Variants in AKAP7 observed in about 807,000 individuals in gnomAD.
AKAP7 encodes the protein A-kinase anchoring protein 7.
Under a neutral mutation model 39.5 loss-of-function variants are expected in AKAP7, and 39 were observed. That is an observed-to-expected ratio of 0.99 (90% CI 0.76 to 1.29). The LOEUF (loss-of-function observed/expected upper bound fraction) is 1.29, where lower values mean the gene tolerates loss of function less well. Among genes scored for constraint, AKAP7 ranks in the 50% most tolerant of loss-of-function variants. The pLI, the probability that AKAP7 is intolerant of heterozygous loss-of-function variation, is 0.00. For missense variants in AKAP7, 414 were observed against 407.7 expected (o/e 1.02, Z -0.13); for synonymous variants, 140 against 139.1 (o/e 1.01, Z -0.05).
At chr6:131,151,460 T>C (rs921769758) in intron 2 of AKAP7, among the ~76,000 whole-genome samples, 4 of 151,174 alleles carry the variant, frequency 2.6e-5, no homozygotes, top group African/African-American at 9.7e-5. Flanking sequence ...CTGTGAAATA[T>C]ATGGCCGGGT....
At chr6:131,140,246 GAC>G (rs1469664281) in intron 1 of AKAP7, among the ~76,000 whole-genome samples, 1 of 150,068 alleles carries the variant, frequency 6.7e-6, no homozygotes, top group Non-Finnish European at 1.5e-5. Flanking sequence ...TGGCTGGAGT[GAC>G]ACACATGCGT....
At chr6:131,184,533 G>T (rs1805623877) in intron 5 of AKAP7, 2 of 710,234 alleles carry the variant, frequency 2.8e-6, no homozygotes, top group South Asian at 1.5e-5. Flanking sequence ...TCGATGCATT[G>T]CCAGCAGTAT....
chr6:131,132,200 C>T (rs1800343214), upstream of AKAP7, among the ~76,000 whole-genome samples: 1 of 151,912 alleles, frequency 6.6e-6, no homozygotes, highest in African/African-American at 2.4e-5. Context: ...GTGGTCCCAT[C>T]TACTCGGGAA....
At chr6:131,168,998 ATAAT>A in intron 4 of AKAP7, 111 bp from the exon 5 acceptor site, 2 of 935,872 alleles carry the variant, frequency 2.1e-6, no homozygotes, top group Non-Finnish European at 3.1e-6. Context: ...GAGCCTTAAA[ATAAT>A]TAGTACAAAT....
At chr6:131,278,171 G>A (rs933041102) in intron 7 of AKAP7, among the ~76,000 whole-genome samples, 1 of 152,194 alleles carries the variant, frequency 6.6e-6, no homozygotes, top group Non-Finnish European at 1.5e-5. Context: ...GGTGTCCTAT[G>A]TTAGCAGAGG....
intron 7 of AKAP7, among the ~76,000 whole-genome samples, chr6:131,252,142 C>G (rs891525132): frequency 1.7e-4 from 26 of 152,300 alleles, no homozygotes; most frequent in Admixed American, 1.6e-3. Context: ...TTCTGTCTTC[C>G]TTATCAGGGA....
intron 7 of AKAP7, among the ~76,000 whole-genome samples, chr6:131,229,074 T>C (rs1810427605): frequency 6.6e-6 from 1 of 152,248 alleles, no homozygotes; most frequent in Non-Finnish European, 1.5e-5. Flanking sequence ...ATTTAAGCTG[T>C]GAGCTAAAGT....
At chr6:131,250,083 G>A in intron 7 of AKAP7, 2 of 778,320 alleles carry the variant, frequency 2.6e-6, no homozygotes, top group Non-Finnish European at 3.1e-6. Flanking sequence ...AATCTCCTAG[G>A]GATAAAAGAA....
rs957106234 is a variant in AKAP7 at position 131,242,230 on chromosome 6, T to C, written c.850+22422T>C. ...CTGGCTATGAGTAAAGGAAGCGCAA[T>C]TGACCATCACAGTTTTATATTTGGT... On this transcript the variant is annotated intron_variant, in intron 7 of 7. Coordinates refer to ENST00000431975, the MANE Select transcript of AKAP7 (RefSeq NM_016377.4). 3.1e-6 allele frequency: 3 copies of C among 971,638 alleles called. No homozygotes were observed. In the African/African-American group the frequency reaches 5.3e-5, roughly 17 times the overall value. The allele number at this position is 971,638 out of a possible 1,614,324, so 60.2% of individuals were successfully genotyped here.
At chr6:131,156,699 A>T (rs773953417) in intron 2 of AKAP7, among the ~76,000 whole-genome samples, 1 of 151,920 alleles carries the variant, frequency 6.6e-6, no homozygotes, top group African/African-American at 2.4e-5. Context: ...CATTTTCCAT[A>T]CTCATAGAAG....
At chr6:131,126,278 T>C in the AKAP7 span, among the ~76,000 whole-genome samples, 10 of 152,248 alleles carry the variant, frequency 6.6e-5, no homozygotes, top group African/African-American at 2.2e-4. Context: ...TTTTTCCTTT[T>C]ATTGAAAATA....
intron 4 of AKAP7, among the ~76,000 whole-genome samples, chr6:131,166,272 AAAG>A (rs944567048): frequency 2.6e-5 from 4 of 152,134 alleles, no homozygotes; most frequent in African/African-American, 4.8e-5. Flanking sequence ...TCAGAAGAAA[AAAG>A]AAGTTCTCTG....
intron 6 of AKAP7, among the ~76,000 whole-genome samples, chr6:131,212,506 T>A (rs1173053930): frequency 6.6e-6 from 1 of 152,198 alleles, no homozygotes; most frequent in African/African-American, 2.4e-5. Context: ...GTGAAAGGCT[T>A]GTATCATTGA....
intron 7 of AKAP7, among the ~76,000 whole-genome samples, chr6:131,224,956 C>T (rs539886736): frequency 6.6e-6 from 1 of 151,610 alleles, no homozygotes; most frequent in African/African-American, 2.4e-5. Context: ...AGGGTTTTGC[C>T]ATGTTGGCCA....
intron 1 of AKAP7, chr6:131,137,694 C>T (rs1041851465): frequency 1.3e-5 from 2 of 152,022 alleles, no homozygotes; most frequent in South Asian, 2.1e-4. Flanking sequence ...CCCTGTTGGC[C>T]TGTTTTTGAT....
chr6:131,161,353 T>G (rs1201937519), intron 3 of AKAP7, among the ~76,000 whole-genome samples: 1 of 151,950 alleles, frequency 6.6e-6, no homozygotes, highest in Non-Finnish European at 1.5e-5. Flanking sequence ...TTTTTAAAAG[T>G]CCTAATAAGG....
intron 3 of AKAP7, among the ~76,000 whole-genome samples, chr6:131,161,179 T>G (rs1173859015): frequency 6.6e-6 from 1 of 152,132 alleles, no homozygotes; most frequent in Non-Finnish European, 1.5e-5. Flanking sequence ...TTATTTTGGG[T>G]CATTCTAGGA....
the AKAP7 span, among the ~76,000 whole-genome samples, chr6:131,128,458 C>G: frequency 5.3e-5 from 8 of 152,244 alleles, no homozygotes; most frequent in African/African-American, 1.9e-4. Flanking sequence ...TTTGGCAACA[C>G]ATTTCAAAAG....
At position 131,182,792 on chromosome 6, in the gene AKAP7, T is replaced by A. The variant is rs189168405; in HGVS notation, c.589+13519T>A. Among the ~76,000 whole-genome samples the A allele has an allele frequency of 8.7e-4, 133 of 152,266 alleles. 1 individual carries two copies. The highest frequency in any genetic ancestry group is 1.7e-3 in the South Asian group (8 of 4,830). ...TGTACTAGGGCTCCAACACTTGTTA[T>A]TTTCTATTTTTTTGATAATGGCCCT... On this transcript the variant is annotated intron_variant, in intron 5 of 7. Coordinates refer to ENST00000431975, the MANE Select transcript of AKAP7 (RefSeq NM_016377.4).
Sources: allele counts gnomAD v4.1 joint callset (sites outside exome capture counted in the v4.1 genomes callset), GRCh38; gene constraint gnomAD v4.1.1; transcripts MANE v1.5; gene names NCBI Gene and HGNC (gene_info 2026-07-23, HGNC 2026-07-21).